The following STXBP5L variants were observed in gnomAD, a reference collection of about 807,000 sequenced individuals.
STXBP5L encodes the protein syntaxin-binding protein 5-like.
Under a neutral mutation model 144.5 loss-of-function variants are expected in STXBP5L, and 65 were observed. That is an observed-to-expected ratio of 0.45 (90% confidence interval 0.37 to 0.55). STXBP5L has a LOEUF of 0.55. Ranked by LOEUF, STXBP5L falls within the 20% of genes least tolerant of loss-of-function variation. The probability of loss-of-function intolerance (pLI) is 0.00; values close to 1 mark genes in which losing one functional copy is unlikely to be tolerated. For missense variants in STXBP5L, 1,298 were observed against 1,405.5 expected, an observed-to-expected ratio of 0.92 and a Z score of 1.22; for synonymous variants, 505 against 469.6, an observed-to-expected ratio of 1.08 and a Z score of -0.97.
chr3:121,054,164 A>G (rs1948260073), intron 5 of STXBP5L, among the ~76,000 whole-genome samples: 2 of 152,186 alleles, frequency 1.3e-5, no homozygotes, highest in Non-Finnish European at 2.9e-5. Flanking sequence ...TAGTTCAACC[A>G]TTGTGGAAGT....
chr3:121,353,821 G>A (rs1041050403), intron 20 of STXBP5L, among the ~76,000 whole-genome samples: 1 of 152,128 alleles, frequency 6.6e-6, no homozygotes, highest in African/African-American at 2.4e-5. Flanking sequence ...TGGACATTTA[G>A]TGCTATACAT....
intron 9 of STXBP5L, among the ~76,000 whole-genome samples, chr3:121,186,733 C>T (rs2047398278): frequency 6.6e-6 from 1 of 151,928 alleles, no homozygotes; most frequent in African/African-American, 2.4e-5. Flanking sequence ...GACAAACAAC[C>T]CCATCAACAA....
At chr3:121,045,772 G>A (rs764522095) in intron 5 of STXBP5L, among the ~76,000 whole-genome samples, 1 of 152,046 alleles carries the variant, frequency 6.6e-6, no homozygotes, top group Non-Finnish European at 1.5e-5. Context: ...GAGATTATGG[G>A]GTTTTCTATG....
At chr3:121,309,843 A>G (rs938162297) in intron 19 of STXBP5L, among the ~76,000 whole-genome samples, 1 of 152,240 alleles carries the variant, frequency 6.6e-6, no homozygotes, top group Non-Finnish European at 1.5e-5. Context: ...AAATTTATGC[A>G]GAAATGCAAA....
intron 7 of STXBP5L, among the ~76,000 whole-genome samples, chr3:121,149,795 G>A (rs945575621): frequency 6.6e-6 from 1 of 151,892 alleles, no homozygotes; most frequent in Non-Finnish European, 1.5e-5. Flanking sequence ...ACATATACTC[G>A]AATAAATAAA....
intron 5 of STXBP5L, among the ~76,000 whole-genome samples, chr3:121,071,873 G>T (rs539281870): frequency 2.3e-4 from 35 of 152,278 alleles, no homozygotes; most frequent in Admixed American, 1.1e-3. Context: ...ATCTCATAGG[G>T]TGAATACCCA....
chr3:121,349,529 C>T (rs1019232649), intron 20 of STXBP5L, among the ~76,000 whole-genome samples: 1 of 151,920 alleles, frequency 6.6e-6, no homozygotes, highest in Admixed American at 6.6e-5. Flanking sequence ...CTTTCTGTCT[C>T]GTTGATCTTC....
At chr3:120,992,656 T>A (rs750593532) in intron 3 of STXBP5L, among the ~76,000 whole-genome samples, 43 of 152,144 alleles carry the variant, frequency 2.8e-4, no homozygotes, top group Non-Finnish European at 2.6e-4. Context: ...AATAACTGAA[T>A]AGATTTCATT....
chr3:121,095,230 A>C (rs1332839039), intron 5 of STXBP5L, among the ~76,000 whole-genome samples: 1 of 151,798 alleles, frequency 6.6e-6, no homozygotes, highest in African/African-American at 2.4e-5. Context: ...TTTTTCCTTC[A>C]TTTCAACTTT....
chr3:121,203,021 G>A (rs1161180405), intron 9 of STXBP5L, among the ~76,000 whole-genome samples: 1 of 150,376 alleles, frequency 6.6e-6, no homozygotes, highest in Non-Finnish European at 1.5e-5. Flanking sequence ...GTGATTAACA[G>A]TATTCCATAT....
At chr3:121,006,311 CTTCT>C (rs1300175990) in intron 3 of STXBP5L, among the ~76,000 whole-genome samples, 2 of 152,048 alleles carry the variant, frequency 1.3e-5, no homozygotes, top group African/African-American at 2.4e-5. Flanking sequence ...ATGTAATGGC[CTTCT>C]TTGTCTCTTT....
intron 9 of STXBP5L, among the ~76,000 whole-genome samples, chr3:121,190,860 C>T (rs1327730273): frequency 8.6e-5 from 13 of 150,372 alleles, no homozygotes; most frequent in East Asian, 2.0e-4. Flanking sequence ...ACCTCCCAGA[C>T]GGGGTGGCGG....
chr3:121,161,253 G>C (rs199741205), intron 9 of STXBP5L, among the ~76,000 whole-genome samples: 35 of 121,188 alleles, frequency 2.9e-4, no homozygotes, highest in Non-Finnish European at 5.6e-4. Flanking sequence ...TTTTTTTTTT[G>C]CTTTCCTTTT....
chr3:121,271,806 A>G (rs1159036785), intron 18 of STXBP5L, among the ~76,000 whole-genome samples: 1 of 152,222 alleles, frequency 6.6e-6, no homozygotes, highest in East Asian at 1.9e-4. Context: ...TTTATGAAGA[A>G]AAGAGGTTTA....
At chr3:121,003,662 C>T (rs911178112) in intron 3 of STXBP5L, among the ~76,000 whole-genome samples, 2 of 152,166 alleles carry the variant, frequency 1.3e-5, no homozygotes, top group Non-Finnish European at 2.9e-5. Context: ...CCTAGGTTTT[C>T]TTCTAGGGTT....
chr3:121,157,100 T>G (rs535891376), intron 8 of STXBP5L, among the ~76,000 whole-genome samples: 1 of 152,262 alleles, frequency 6.6e-6, no homozygotes, highest in South Asian at 2.1e-4. Flanking sequence ...GTGCAATGAT[T>G]GAGAACGTTT....
intron 19 of STXBP5L, among the ~76,000 whole-genome samples, chr3:121,286,385 T>C (rs1006968246): frequency 3.9e-5 from 6 of 152,200 alleles, no homozygotes; most frequent in African/African-American, 1.4e-4. Context: ...GCAAAAATTA[T>C]GGTAAACAAT....
intron 3 of STXBP5L, among the ~76,000 whole-genome samples, chr3:120,995,673 C>T (rs897839550): frequency 6.6e-5 from 10 of 151,830 alleles, no homozygotes; most frequent in Admixed American, 1.3e-4. Context: ...AACCTTACTT[C>T]CACTTAAGTC....
At chr3:121,216,265 G>A (rs1347342244) in intron 10 of STXBP5L, among the ~76,000 whole-genome samples, 1 of 152,070 alleles carries the variant, frequency 6.6e-6, no homozygotes, top group Non-Finnish European at 1.5e-5. Context: ...TTGGAGGAGA[G>A]GCTTTCTGGT....
Sources: allele counts gnomAD v4.1 joint callset (sites outside exome capture counted in the v4.1 genomes callset), GRCh38; gene constraint gnomAD v4.1.1; transcripts MANE v1.5; gene names NCBI Gene and HGNC (gene_info 2026-07-23, HGNC 2026-07-21).